Variants in TXLNB observed in about 807,000 individuals in gnomAD.
TXLNB encodes taxilin beta.
A neutral mutation model predicts 57.4 loss-of-function variants in TXLNB; 37 were observed. That is an observed-to-expected ratio of 0.64 (90% CI 0.50 to 0.85). The LOEUF is 0.85. TXLNB is among the 40% of genes least tolerant of loss of function. The probability of loss-of-function intolerance (pLI) is 0.00; values close to 1 mark genes in which losing one functional copy is unlikely to be tolerated. For missense variants in TXLNB, 848 were observed against 825.6 expected (o/e 1.03, Z -0.33); for synonymous variants, 302 against 309.6 (o/e 0.98, Z 0.26).
At chr6:139,253,839 T>C (rs1476379183) in intron 7 of TXLNB, among the ~76,000 whole-genome samples, 2 of 152,232 alleles carry the variant, frequency 1.3e-5, no homozygotes, top group East Asian at 3.8e-4. Context: ...AGATTGCATG[T>C]AGCAGATGAT....
At chr6:139,306,007 C>T in the TXLNB span, among the ~76,000 whole-genome samples, 1 of 151,944 alleles carries the variant, frequency 6.6e-6, no homozygotes, top group African/African-American at 2.4e-5. Flanking sequence ...GGAAAATAGC[C>T]CTGATTGTAG....
chr6:139,174,482 G>T, the TXLNB span: 1 of 1,613,468 alleles, frequency 6.2e-7, no homozygotes, highest in Admixed American at 1.7e-5. Flanking sequence ...ATGGCAGCTG[G>T]CACCAGCTGG....
At chr6:139,174,243 C>A in the TXLNB span, 1 of 916,272 alleles carries the variant, frequency 1.1e-6, no homozygotes, top group Non-Finnish European at 1.6e-6. Flanking sequence ...AGCTTGTGTA[C>A]TAAATATTGA....
chr6:139,293,218 A>C (rs903013280), upstream of TXLNB, among the ~76,000 whole-genome samples: 6 of 152,060 alleles, frequency 3.9e-5, no homozygotes, highest in Non-Finnish European at 8.8e-5. Context: ...CAGCCTCCCA[A>C]GTAGCTGGGA....
the TXLNB span, among the ~76,000 whole-genome samples, chr6:139,205,664 C>A: frequency 2.0e-5 from 3 of 152,158 alleles, no homozygotes; most frequent in South Asian, 4.1e-4. Context: ...AGAACAAAGT[C>A]TCCAAGAAAT....
the TXLNB span, among the ~76,000 whole-genome samples, chr6:139,318,186 C>T: frequency 1.4e-5 from 2 of 145,496 alleles, no homozygotes; most frequent in African/African-American, 5.1e-5. Context: ...AGGAGAATGG[C>T]GTGAACCTGG....
the TXLNB span, among the ~76,000 whole-genome samples, chr6:139,219,912 A>G: frequency 6.6e-6 from 1 of 152,212 alleles, no homozygotes; most frequent in South Asian, 2.1e-4. Context: ...GCTTTGTCCA[A>G]CTGCATTTTC....
At chr6:139,214,733 A>G in the TXLNB span, among the ~76,000 whole-genome samples, 2 of 152,138 alleles carry the variant, frequency 1.3e-5, no homozygotes, top group Admixed American at 6.6e-5. Flanking sequence ...GAACCCCATC[A>G]TCTCAGCCCA....
chr6:139,215,319 C>T, the TXLNB span, among the ~76,000 whole-genome samples: 1 of 152,056 alleles, frequency 6.6e-6, no homozygotes, highest in Non-Finnish European at 1.5e-5. Flanking sequence ...AGAAATAATG[C>T]CACATATCTA....
upstream of TXLNB, among the ~76,000 whole-genome samples, chr6:139,295,253 G>A (rs1777369415): frequency 6.6e-6 from 1 of 152,112 alleles, no homozygotes; most frequent in African/African-American, 2.4e-5. Flanking sequence ...TGACTCCCAA[G>A]AATTTATCTG....
At chr6:139,304,583 C>T in the TXLNB span, among the ~76,000 whole-genome samples, 1 of 152,146 alleles carries the variant, frequency 6.6e-6, no homozygotes, top group Non-Finnish European at 1.5e-5. Context: ...CAACAGGCAA[C>T]AGGACAGAAC....
At chr6:139,173,691 A>G in the TXLNB span, among the ~76,000 whole-genome samples, 1 of 152,234 alleles carries the variant, frequency 6.6e-6, no homozygotes, top group Non-Finnish European at 1.5e-5. Flanking sequence ...TGATGCTTCC[A>G]TATACACTAG....
chr6:139,164,339 A>G, the TXLNB span, among the ~76,000 whole-genome samples: 1 of 152,050 alleles, frequency 6.6e-6, no homozygotes, highest in African/African-American at 2.4e-5. Flanking sequence ...ATTTCCCTCC[A>G]AAGGGGCCCT....
At chr6:139,174,943 A>C in the TXLNB span, among the ~76,000 whole-genome samples, 12 of 152,110 alleles carry the variant, frequency 7.9e-5, no homozygotes, top group African/African-American at 2.7e-4. Flanking sequence ...CTTATAGTAA[A>C]TTTCTAATAG....
intron 2 of TXLNB, among the ~76,000 whole-genome samples, chr6:139,287,615 G>A (rs985571069): frequency 2.6e-5 from 4 of 152,134 alleles, no homozygotes; most frequent in African/African-American, 9.7e-5. Context: ...AACTAAGGAA[G>A]GTGATGCTAA....
At chr6:139,297,373 T>A in the TXLNB span, among the ~76,000 whole-genome samples, 1 of 152,178 alleles carries the variant, frequency 6.6e-6, no homozygotes, top group Non-Finnish European at 1.5e-5. Context: ...GCATTGGAAA[T>A]ATCCAGTAGA....
the TXLNB span, chr6:139,203,730 G>A: frequency 1.3e-5 from 2 of 152,150 alleles, no homozygotes; most frequent in South Asian, 4.1e-4. Flanking sequence ...CATCATTCAT[G>A]TTTTCTCAAA....
At chr6:139,258,496 C>A (rs1034843096) in intron 6 of TXLNB, among the ~76,000 whole-genome samples, 2 of 152,158 alleles carry the variant, frequency 1.3e-5, no homozygotes, top group South Asian at 4.1e-4. Context: ...ATAAATTAAT[C>A]TTTTTCTTAA....
Position 139,281,650 on chromosome 6 carries a change from G to C in TXLNB, c.425-4729C>G, listed in dbSNP as rs1269638838. On this transcript the variant is annotated intron_variant, in intron 2 of 9. Transcript: ENST00000358430. ...TGCAAGCTCCGCCTCCCGGGTTCAC[G>C]CCATTCTCCTGCCTCAGCCTCCCGA... Among the ~76,000 whole-genome samples the C allele has an allele frequency of 3.0e-5, 3 of 100,676 alleles. 1 individual carries two copies. The highest frequency in any genetic ancestry group is 2.7e-4 in the East Asian group (1 of 3,748). 66.0% of individuals were successfully genotyped at this position (100,676 alleles called of 152,430 possible).
Sources: allele counts gnomAD v4.1 joint callset (sites outside exome capture counted in the v4.1 genomes callset), GRCh38; gene constraint gnomAD v4.1.1; transcripts MANE v1.5; gene names NCBI Gene and HGNC (gene_info 2026-07-23, HGNC 2026-07-21).